The following PDE8B variants were observed in gnomAD, a reference collection of about 807,000 sequenced individuals.
PDE8B encodes phosphodiesterase 8B, also known as high affinity cAMP-specific and IBMX-insensitive 3',5'-cyclic phosphodiesterase 8B.
In PDE8B, 26 loss-of-function variants were observed where a neutral mutation model predicts 101.3. The observed-to-expected ratio is 0.26, with a 90% CI of 0.19 to 0.36. The LOEUF is 0.36. Among genes scored for constraint, PDE8B ranks in the 10% least tolerant of loss-of-function variants. The probability of loss-of-function intolerance (pLI) is 1.00; values close to 1 mark genes in which losing one functional copy is unlikely to be tolerated. For missense variants in PDE8B, 810 were observed against 1,163.1 expected, an observed-to-expected ratio of 0.70 and a Z score of 4.42; for synonymous variants, 424 against 429.3, an observed-to-expected ratio of 0.99 and a Z score of 0.15.
At chr5:77,377,792 T>C (rs902318925) in intron 10 of PDE8B, among the ~76,000 whole-genome samples, 7 of 152,084 alleles carry the variant, frequency 4.6e-5, no homozygotes, top group Admixed American at 3.9e-4. Context: ...GAAGTGCAAA[T>C]TTGCCCTTGC....
At chr5:77,178,473 C>T in the PDE8B span, among the ~76,000 whole-genome samples, 1 of 152,048 alleles carries the variant, frequency 6.6e-6, no homozygotes, top group African/African-American at 2.4e-5. Context: ...CCTTGTCTAC[C>T]CAGGCCTAAA....
At chr5:77,089,688 A>C in the PDE8B span, among the ~76,000 whole-genome samples, 1 of 152,220 alleles carries the variant, frequency 6.6e-6, no homozygotes, top group South Asian at 2.1e-4. Flanking sequence ...TAATGAGTAC[A>C]CTGTTGGTGG....
At chr5:77,256,529 A>C (rs1759210769) in intron 1 of PDE8B, among the ~76,000 whole-genome samples, 1 of 152,188 alleles carries the variant, frequency 6.6e-6, no homozygotes, top group African/African-American at 2.4e-5. Context: ...GGTTGTTTCC[A>C]GTTTTTTAGT....
rs530158962 is a variant in PDE8B at position 77,278,555 on chromosome 5, T to C, written c.340-33439T>C. Among the ~76,000 whole-genome samples the C allele has an allele frequency of 2.1e-3, 325 of 152,272 alleles. 4 individuals are homozygous for C. Among genetic ancestry groups the C allele is most frequent in the African/African-American group, 6.8e-3 (282 of 41,554 alleles). On this transcript the variant is annotated intron_variant, in intron 1 of 21. Transcript: ENST00000264917. ...CGCGATCTTGTCTCATTGCAAGCTC[T>C]GCCTCCCGGGTTCATGCCATTCTCC...
At chr5:77,340,966 G>A (rs1038744248) in intron 6 of PDE8B, among the ~76,000 whole-genome samples, 4 of 152,064 alleles carry the variant, frequency 2.6e-5, no homozygotes, top group Admixed American at 6.6e-5. Flanking sequence ...CCACAACTAG[G>A]TTACTTTTCC....
intron 8 of PDE8B, among the ~76,000 whole-genome samples, chr5:77,350,503 A>G (rs1242418154): frequency 6.6e-6 from 1 of 152,086 alleles, no homozygotes; most frequent in African/African-American, 2.4e-5. Context: ...AGAGAACAGG[A>G]ACCAATACTC....
intron 2 of PDE8B, among the ~76,000 whole-genome samples, chr5:77,319,873 A>G (rs1233956513): frequency 6.6e-6 from 1 of 152,252 alleles, no homozygotes; most frequent in African/African-American, 2.4e-5. Flanking sequence ...ATCGTAACTT[A>G]TACAACTAGA....
chr5:77,165,869 G>A, the PDE8B span, among the ~76,000 whole-genome samples: 1 of 151,936 alleles, frequency 6.6e-6, no homozygotes, highest in Non-Finnish European at 1.5e-5. Context: ...AGCCAGGTGT[G>A]GTGGTGCATG....
chr5:77,148,252 C>T, the PDE8B span: 1 of 152,184 alleles, frequency 6.6e-6, no homozygotes, highest in Non-Finnish European at 1.5e-5. Context: ...CTTATCTGCT[C>T]ATATTACACT....
At chr5:77,342,857 G>A (rs149301526) in intron 6 of PDE8B, among the ~76,000 whole-genome samples, 1 of 152,118 alleles carries the variant, frequency 6.6e-6, no homozygotes, top group Non-Finnish European at 1.5e-5. Flanking sequence ...CATGCCAGGG[G>A]GAATGGTTGG....
At chr5:77,331,526 G>A (rs1023836902) in intron 5 of PDE8B, 67 bp downstream of exon 5, 21 of 1,224,898 alleles carry the variant, frequency 1.7e-5, no homozygotes, top group South Asian at 2.4e-5. Flanking sequence ...TCCCATAACA[G>A]GGAAGCAAAG....
the PDE8B span, among the ~76,000 whole-genome samples, chr5:77,163,941 G>C: frequency 6.6e-6 from 1 of 152,128 alleles, no homozygotes; most frequent in Non-Finnish European, 1.5e-5. Flanking sequence ...CTTCTTCTTT[G>C]TACTCTGCTG....
chr5:77,268,597 G>C lies in PDE8B; in HGVS notation c.340-43397G>C, dbSNP rs1186344726. 2.0e-5 allele frequency among the ~76,000 whole-genome samples: 3 copies of C among 151,144 alleles called. No homozygotes were observed. In the East Asian group the frequency reaches 5.9e-4, roughly 30 times the overall value. ...TTTAATTTTTAGCTCCCACAAATAAGTGAGAACATGTGATGTTTGTCTTTC... is the reference window on the plus strand; with the variant it reads ...TTTAATTTTTAGCTCCCACAAATAACTGAGAACATGTGATGTTTGTCTTTC... On this transcript the variant is annotated intron_variant, in intron 1 of 21. Transcript: ENST00000264917.
intron 1 of PDE8B, among the ~76,000 whole-genome samples, chr5:77,212,378 G>A (rs1173903870): frequency 6.6e-6 from 1 of 152,192 alleles, no homozygotes; most frequent in Non-Finnish European, 1.5e-5. Flanking sequence ...GCAGCCCACA[G>A]TGGAGGAGTG....
chr5:77,343,430 C>T (rs1448151528), intron 6 of PDE8B, among the ~76,000 whole-genome samples: 3 of 152,168 alleles, frequency 2.0e-5, no homozygotes, highest in African/African-American at 4.8e-5. Flanking sequence ...GTACTGAATA[C>T]TGTAAATACT....
rs114926822 is a variant in PDE8B, at chr5:77,422,593, G to A, written c.2418+605G>A. 6.9e-3 allele frequency among the ~76,000 whole-genome samples: 1,057 copies of A among 152,302 alleles called. 5 individuals carry two copies. Among genetic ancestry groups the A allele is most frequent in the African/African-American group, 0.024 (995 of 41,560 alleles). ...AAATAGAATTTTTATAAAAAGGGAA[G>A]AGCAATATGTAGTTCACTTTAATTG... On this transcript the variant is annotated intron_variant, in intron 20 of 21. Transcript: ENST00000264917.
At position 77,425,869 on chromosome 5, in the gene PDE8B, A is replaced by G. The variant is rs760086285; in HGVS notation, c.2521A>G (p.Ile841Val). The change falls in exon 21 of 22, where the codon ATA (isoleucine) becomes GTA (valine). Residue 841 changes from isoleucine to valine, a missense_variant. Transcript: ENST00000264917. ...TCAGATCTCTTTCATTGACTACTTC[A>G]TAACAGACATGTTTGATGCTTGGGA... is the stretch of plus-strand genomic sequence containing the variant. Reference protein sequence around the residue: ...KSQISFIDYFITDMFDAWDAF... With the variant: ...KSQISFIDYFVTDMFDAWDAF... The G allele has an allele frequency of 5.6e-6, 9 of 1,613,754 alleles. No individual in the cohort carries two copies. The Admixed American group carries it at 1.3e-4, about 24-fold the overall frequency.
At chr5:77,112,005 T>A in the PDE8B span, 2 of 152,158 alleles carry the variant, frequency 1.3e-5, no homozygotes, top group East Asian at 1.9e-4. Flanking sequence ...TAAAAAAAAA[T>A]TAAATTATAT....
chr5:77,109,547 T>C, the PDE8B span, among the ~76,000 whole-genome samples: 2 of 152,344 alleles, frequency 1.3e-5, no homozygotes, highest in Admixed American at 6.5e-5. Context: ...CAGTGGTGGC[T>C]AACCAATGCT....
Sources: gnomAD v4.1 joint callset for allele counts (sites outside exome capture counted in the v4.1 genomes callset) on GRCh38, gnomAD v4.1.1 for gene constraint, MANE v1.5 for transcripts, NCBI Gene and HGNC (gene_info 2026-07-23, HGNC 2026-07-21) for gene names.